The following MDGA1 variants were observed in gnomAD, a reference collection of about 807,000 sequenced individuals.
MDGA1 encodes MAM domain-containing glycosylphosphatidylinositol anchor protein 1.
MDGA1 carries 54 observed loss-of-function variants against 101.5 expected under a neutral mutation model. The ratio of observed to expected loss-of-function variants is 0.53; its 90% CI spans 0.43 to 0.67. MDGA1 has a LOEUF of 0.67. Among genes scored for constraint, MDGA1 ranks in the 30% least tolerant of loss-of-function variants. The pLI, the probability that MDGA1 is intolerant of heterozygous loss-of-function variation, is 0.00. For synonymous variants in MDGA1, 533 were observed against 558.3 expected (o/e 0.95, Z 0.64); for missense variants, 1,083 against 1,323.8 (o/e 0.82, Z 2.82).
At chr6:37,639,654 T>C (rs570979406) in intron 14 of MDGA1, 1 of 152,286 alleles carries the variant, frequency 6.6e-6, no homozygotes, top group East Asian at 1.9e-4. Flanking sequence ...CATTCTTCCC[T>C]CCCTCAAGGA....
rs190660276 is a variant in MDGA1, at chr6:37,649,949, G to A, written c.1609+160C>T. On this transcript the variant is annotated intron_variant, in intron 8 of 16. Transcript: ENST00000434837. ...AATGGAGCAAAGAACACAGACCTCC[G>A]TGTCCTACAGCATGGGGCTGTCAAG... is the stretch of plus-strand genomic sequence containing the variant. 4.7e-4 allele frequency: 383 copies of A among 808,578 alleles called. 1 individual carries two copies. In the Middle Eastern group the frequency reaches 6.5e-3, roughly 14 times the overall value. 50.1% of individuals were successfully genotyped at this position (808,578 alleles called of 1,614,324 possible).
chr6:37,674,075 T>C (rs1050765752), intron 1 of MDGA1, among the ~76,000 whole-genome samples: 9 of 152,206 alleles, frequency 5.9e-5, no homozygotes, highest in African/African-American at 1.9e-4. Flanking sequence ...CAGAGCCAAA[T>C]GAGGCATAGC....
At chr6:37,689,931 A>T (rs1300864820) in intron 1 of MDGA1, among the ~76,000 whole-genome samples, 4 of 152,156 alleles carry the variant, frequency 2.6e-5, no homozygotes, top group African/African-American at 9.7e-5. Flanking sequence ...AGGTTCTATT[A>T]AAAAGGTGTC....
intron 1 of MDGA1, among the ~76,000 whole-genome samples, chr6:37,693,127 G>C (rs924128911): frequency 6.6e-6 from 1 of 152,210 alleles, no homozygotes; most frequent in Non-Finnish European, 1.5e-5. Flanking sequence ...TGAAAAGAAA[G>C]AAGGAACAGA....
chr6:37,650,170 C>T lies in MDGA1; in HGVS notation c.1548G>A (p.Thr516=), dbSNP rs1423848357. 1 of 1,611,572 alleles carries T rather than the reference C, an allele frequency of 6.2e-7. No homozygotes were observed. Among genetic ancestry groups the T allele is most frequent in the Non-Finnish European group, 8.5e-7 (1 of 1,178,202 alleles). The change falls in exon 8 of 17, where the codon ACG becomes ACA. Residue 516 remains threonine (T), a synonymous_variant. Coordinates refer to ENST00000434837, the MANE Select transcript of MDGA1 (RefSeq NM_153487.4). ...GCACGTTGAAGCCATTATAGCGGGC[C>T]GTCTGGCAGCGGTAGGTCCCGCTCA... The part of the protein sequence containing the change: ...RDMSGTYRCQ[T]ARYNGFNVRP...
At chr6:37,681,318 C>A (rs1762092519) in intron 1 of MDGA1, among the ~76,000 whole-genome samples, 1 of 152,118 alleles carries the variant, frequency 6.6e-6, no homozygotes. Flanking sequence ...CCTCGGCCTG[C>A]CCCTGCCCCC....
At chr6:37,644,358 C>T in intron 13 of MDGA1, 139 bp downstream of exon 13, 1 of 983,822 alleles carries the variant, frequency 1.0e-6, no homozygotes, top group Non-Finnish European at 1.4e-6. Flanking sequence ...TGTCTCCCCT[C>T]AGACCAGAGC....
intron 5 of MDGA1, 116 bp downstream of exon 5, chr6:37,654,684 G>T (rs1581861491): frequency 1.3e-6 from 2 of 1,538,378 alleles, no homozygotes; most frequent in East Asian, 2.2e-5. Flanking sequence ...GGAAGAGGAG[G>T]GGAGGGGCCA....
intron 1 of MDGA1, among the ~76,000 whole-genome samples, chr6:37,674,854 G>A (rs1255305833): frequency 3.3e-5 from 5 of 152,068 alleles, no homozygotes; most frequent in Admixed American, 2.6e-4. Context: ...TCAGGAGTTC[G>A]AAACCAGCCT....
Position 37,635,203 on chromosome 6 carries a change from C to G in MDGA1, c.*2165G>C. The G allele has an allele frequency of 5.6e-6, 2 of 360,296 alleles. No homozygotes were observed. The highest frequency in any genetic ancestry group is 9.9e-6 in the Non-Finnish European group (2 of 202,064). 22.3% of individuals were successfully genotyped at this position (360,296 alleles called of 1,614,324 possible). ...AAGCAGCAATACTTTTTAAAGGACT[C>G]TGGTGGTTCTATTCTGCAGGCAAGG... On this transcript the variant is annotated 3_prime_UTR_variant, in exon 17 of 17. Transcript: ENST00000434837.
intron 5 of MDGA1, 56 bp downstream of exon 5, chr6:37,654,744 C>T (rs1761443790): frequency 6.2e-7 from 1 of 1,607,144 alleles, no homozygotes; most frequent in Non-Finnish European, 8.5e-7. Context: ...GGCACTATCT[C>T]CTGGTTGGGA....
chr6:37,641,440 A>AC (rs1251482466), intron 14 of MDGA1, among the ~76,000 whole-genome samples: 1 of 151,846 alleles, frequency 6.6e-6, no homozygotes, highest in Non-Finnish European at 1.5e-5. Flanking sequence ...CTCCTCTAGC[A>AC]CCCCTCAGTT....
intron 1 of MDGA1, among the ~76,000 whole-genome samples, chr6:37,688,575 C>T (rs115008646): frequency 0.033 from 5,022 of 152,296 alleles, 113 homozygotes; most frequent in East Asian, 0.058. Context: ...GGAAGGGGAG[C>T]TGCTATTCCA....
chr6:37,673,880 C>G (rs1761922899), intron 1 of MDGA1, among the ~76,000 whole-genome samples: 1 of 152,244 alleles, frequency 6.6e-6, no homozygotes, highest in Non-Finnish European at 1.5e-5. Context: ...TGGTCATTCT[C>G]TCTCCGATCA....
In MDGA1 at chr6:37,643,799, C is replaced by T; in HGVS notation, c.2536+10G>A. The T allele has an allele frequency of 6.2e-7, 1 of 1,613,876 alleles. No individual in the cohort carries two copies. On this transcript the variant is annotated intron_variant, in intron 14 of 16. Transcript: ENST00000434837. ...ACACTTGGTGGAGACTACCTGGCCC[C>T]CCAACTCACCGATGTGTTTCCCGTA...
intron 2 of MDGA1, among the ~76,000 whole-genome samples, chr6:37,660,383 T>G (rs1208365466): frequency 1.3e-5 from 2 of 152,110 alleles, no homozygotes; most frequent in African/African-American, 4.8e-5. Context: ...TAAATTTATG[T>G]TGTAGCTTCT....
chr6:37,655,897 C>CT lies in MDGA1; in HGVS notation c.383-2dup. The CT allele has an allele frequency of 6.2e-7, 1 of 1,610,778 alleles. No individual in the cohort carries two copies. Among genetic ancestry groups the CT allele is most frequent in the Non-Finnish European group, 8.5e-7 (1 of 1,178,444 alleles). ...ACCGTCAGCATTGGCTCATCCAGGT[C>CT]TGCAAGGGCACAGCCCCCATGGAGT... On this transcript the variant is annotated splice_acceptor_variant, in intron 3 of 16. Coordinates refer to ENST00000434837, the MANE Select transcript of MDGA1 (RefSeq NM_153487.4). LOFTEE classifies it high-confidence loss of function. The surrounding 1 kb of genome is among the most constrained non-coding windows in gnomAD (Gnocchi z 5.1).
At chr6:37,662,802 ACC>A in intron 2 of MDGA1, among the ~76,000 whole-genome samples, 1 of 152,162 alleles carries the variant, frequency 6.6e-6, no homozygotes, top group Middle Eastern at 3.4e-3. Flanking sequence ...ATCACACATG[ACC>A]CATACAGGGA....
At chr6:37,661,011 T>A (rs553257216) in intron 2 of MDGA1, among the ~76,000 whole-genome samples, 16 of 152,216 alleles carry the variant, frequency 1.1e-4, no homozygotes, top group Non-Finnish European at 2.1e-4. Context: ...AGATTTAGGG[T>A]TATGCTATCT....
Sources: allele counts gnomAD v4.1 joint callset (sites outside exome capture counted in the v4.1 genomes callset), GRCh38; gene constraint gnomAD v4.1.1; non-coding constraint Gnocchi (gnomAD v3.1); transcripts MANE v1.5; gene names NCBI Gene and HGNC (gene_info 2026-07-23, HGNC 2026-07-21).